The following MGAT4B variants were observed in gnomAD, a reference collection of about 807,000 sequenced individuals.
MGAT4B encodes N-acetylglucosaminyltransferase IVb.
Under a neutral mutation model 73.9 loss-of-function variants are expected in MGAT4B, and 38 were observed. The observed-to-expected ratio is 0.51, with a 90% CI of 0.40 to 0.67. MGAT4B has a LOEUF of 0.67. Ranked by LOEUF, MGAT4B falls within the 30% of genes least tolerant of loss-of-function variation. The pLI, the probability that MGAT4B is intolerant of heterozygous loss-of-function variation, is 0.00. For missense variants in MGAT4B, 686 were observed against 735.2 expected (o/e 0.93, Z 0.77); for synonymous variants, 373 against 313.5 (o/e 1.19, Z -2.01).
rs143317140 is a variant in MGAT4B, at chr5:179,798,830, G to A, written c.1343+98C>T. On this transcript the variant is annotated intron_variant, in intron 11 of 14. Transcript: ENST00000292591. ...CCATTACGAGGCCCACTTCAGATGC[G>A]GAAACTGAAGAACGTGAGGATAACT... 605 of 1,421,200 alleles carry A rather than the reference G, an allele frequency of 4.3e-4. 5 individuals carry two copies. In the African/African-American group the frequency reaches 7.4e-3, roughly 17 times the overall value. 88.0% of individuals were successfully genotyped at this position (1,421,200 alleles called of 1,614,324 possible).
rs1756932688 is a variant in MGAT4B, at chr5:179,801,555, T to C, written c.423A>G (p.Gly141=). The C allele has an allele frequency of 6.2e-7, 1 of 1,608,298 alleles. No homozygotes were observed. Among genetic ancestry groups the C allele is most frequent in the Non-Finnish European group, 8.5e-7 (1 of 1,178,080 alleles). Residue 141 remains glycine (G), a splice_region_variant and synonymous_variant, in exon 3 of 15, where the codon GGA becomes GGG. Transcript: ENST00000292591. The surrounding 1 kb of genome is among the most constrained non-coding windows in gnomAD (Gnocchi z 4.8). ...GCTCCTCCCTGTCTGCGCCCATACC[T>C]CCGGTGCGGCCCTGGCCCACGCGCA... The part of the protein sequence containing the change: ...PAVRVGQGRT[G]VSVVMGIPSV...
At chr5:179,803,735 TC>T (rs1562620795) in intron 1 of MGAT4B, 1 of 152,368 alleles carries the variant, frequency 6.6e-6, no homozygotes, top group Non-Finnish European at 1.5e-5. Flanking sequence ...GCCTCCCCTC[TC>T]CCCCGGGTCC....
intron 8 of MGAT4B, 106 bp from the exon 9 acceptor site, chr5:179,799,742 T>A: frequency 1.3e-6 from 2 of 1,545,846 alleles, no homozygotes; most frequent in Admixed American, 1.7e-5. Flanking sequence ...TTCAGGCAGG[T>A]GTGGGCATAA....
At position 179,800,611 on chromosome 5, in the gene MGAT4B, A is replaced by T; in HGVS notation, c.606-14T>A. 1 of 1,558,508 alleles carries T rather than the reference A, an allele frequency of 6.4e-7. No individual in the cohort carries two copies. The highest frequency in any genetic ancestry group is 8.8e-7 in the Non-Finnish European group (1 of 1,135,366). ...TCCGTGGGGAACCTGGGGGACGGGA[A>T]GGCCTAGTCCGTATGCAGCCTCCAG... On this transcript the variant is annotated splice_polypyrimidine_tract_variant and intron_variant, in intron 5 of 14. Coordinates refer to ENST00000292591, the MANE Select transcript of MGAT4B (RefSeq NM_014275.5).
Position 179,799,324 on chromosome 5 carries a change from G to A in MGAT4B, c.1042-14C>T. ...GTCACAGTGCTTCTGTGGAGGGTGG[G>A]CAACACCCCAGGGCTCGGCTTAGCC... On this transcript the variant is annotated splice_polypyrimidine_tract_variant and intron_variant, in intron 9 of 14. Coordinates refer to ENST00000292591, the MANE Select transcript of MGAT4B (RefSeq NM_014275.5). The A allele has an allele frequency of 5.6e-6, 9 of 1,612,444 alleles. No homozygotes were observed. Among genetic ancestry groups the A allele is most frequent in the Non-Finnish European group, 7.6e-6 (9 of 1,179,284 alleles).
intron 8 of MGAT4B, 44 bp from the exon 9 acceptor site, chr5:179,799,680 T>C: frequency 6.2e-7 from 1 of 1,611,094 alleles, no homozygotes; most frequent in Non-Finnish European, 8.5e-7. Flanking sequence ...TCTGCCTACT[T>C]CCTTTCTCCC....
intron 1 of MGAT4B, chr5:179,802,947 C>G (rs1757010824): frequency 2.0e-6 from 2 of 985,494 alleles, no homozygotes; most frequent in Non-Finnish European, 2.4e-6. Context: ...TCCCTCTACA[C>G]TCAGGCAGCT....
rs1299982146 is a variant in MGAT4B, at chr5:179,799,091, T to C, written c.1180A>G (p.Lys394Glu). 3 of 1,613,824 alleles carry C rather than the reference T, an allele frequency of 1.9e-6. No homozygotes were observed. In the South Asian group the frequency reaches 3.3e-5, roughly 18 times the overall value. ...DKDFGKQALR[K>E]EHVNPPAEVS... ...TCTGCTGGCGGGTTCACATGCTCCT[T>C]CCGCAGCGCCTGCTTTCCAAAGTCT... Residue 394 changes from lysine (K) to glutamate (E), a missense_variant, in exon 11 of 15, where the codon AAG (lysine) becomes GAG (glutamate). This residue lies in a region of MGAT4B where 449 missense variants were observed against 536.8 expected (regional missense o/e 0.84). Transcript: ENST00000292591.
At position 179,800,022 on chromosome 5, in the gene MGAT4B, T is replaced by C. The variant is rs200665887; in HGVS notation, c.842A>G (p.Lys281Arg). 1.2e-6 allele frequency: 2 copies of C among 1,614,068 alleles called. No individual in the cohort carries two copies. The highest frequency in any genetic ancestry group is 1.3e-5 in the African/African-American group (1 of 75,058). The change falls in exon 8 of 15, where the codon AAG becomes AGG. Residue 281 changes from lysine (K) to arginine (R), a missense_variant. Around this residue, in one of 2 missense-constraint regions of MGAT4B, gnomAD observed 449 missense variants for 536.8 expected, o/e 0.84. Coordinates refer to ENST00000292591, the MANE Select transcript of MGAT4B (RefSeq NM_014275.5). ...VAKPNYLSTM[K>R]NFALQQPSED... ...TGAAGGCTGCTGCAGTGCAAAGTTC[T>C]TCATGGTGCTCAGGTAGTTGGGCTT...
rs888606425 is a variant in MGAT4B at position 179,801,286 on chromosome 5, CG to C, written c.558+47del. 3.2e-6 allele frequency: 5 copies of C among 1,572,872 alleles called. No individual in the cohort carries two copies. Among genetic ancestry groups the C allele is most frequent in the African/African-American group, 2.7e-5 (2 of 74,326 alleles). On this transcript the variant is annotated intron_variant, in intron 4 of 14. Coordinates refer to ENST00000292591, the MANE Select transcript of MGAT4B (RefSeq NM_014275.5). The surrounding 1 kb of genome is among the most constrained non-coding windows in gnomAD (Gnocchi z 4.8). The stretch of plus-strand genomic sequence containing the variant: ...GGTTCCTGCTGTCAGTTCTGCACCG[CG>C]GGGGCTCCTCTGAATGTCCCCCAAC...
rs1247225530 is a variant in MGAT4B at position 179,801,980 on chromosome 5, T to C, written c.98-11A>G. On this transcript the variant is annotated splice_polypyrimidine_tract_variant and intron_variant, in intron 1 of 14. Coordinates refer to ENST00000292591, the MANE Select transcript of MGAT4B (RefSeq NM_014275.5). This position sits in a 1 kb window ranked among gnomAD's most constrained non-coding sequence, Gnocchi z 4.8. ...CGTCCACAACGTCGCCTGCAGGTGGTAGGCAAGCCGTCACGAGGGGGCGGT... is the reference window on the plus strand; with the variant it reads ...CGTCCACAACGTCGCCTGCAGGTGGCAGGCAAGCCGTCACGAGGGGGCGGT... The C allele has an allele frequency of 9.9e-6, 16 of 1,613,174 alleles. No homozygotes were observed. The highest frequency in any genetic ancestry group is 1.7e-5 in the Admixed American group (1 of 59,998).
chr5:179,802,230 C>T, intron 1 of MGAT4B: 1 of 1,443,924 alleles, frequency 6.9e-7, no homozygotes, highest in Non-Finnish European at 9.1e-7. Flanking sequence ...GAGAAGGCAT[C>T]TGAAGTGGAA....
Position 179,798,418 on chromosome 5 carries a change from T to C in MGAT4B, c.1439A>G (p.Lys480Arg), listed in dbSNP as rs1020161322. The C allele has an allele frequency of 1.9e-6, 3 of 1,612,510 alleles. No individual in the cohort carries two copies. The highest frequency in any genetic ancestry group is 2.7e-5 in the African/African-American group (2 of 74,910). The change falls in exon 13 of 15, where the codon AAG becomes AGG. Residue 480 changes from lysine to arginine, a missense_variant. Lys to Arg is a conservative substitution (Grantham distance 26, BLOSUM62 2). Transcript: ENST00000292591. ...GGTGCGGCCCTCCTGCAGGGCCTCC[T>C]TGTCTGACTGAGGGTTCTGGGGGCA... ...VLPFDNPQSD[K>R]EALQEGRTAT... is the part of the protein sequence containing the mutation.
At chr5:179,802,186 G>A in intron 1 of MGAT4B, 28 of 1,493,692 alleles carry the variant, frequency 1.9e-5, no homozygotes, top group Non-Finnish European at 2.4e-5. Context: ...CCCTCTTCCA[G>A]TACTCTCCCC....
chr5:179,798,667 C>A, intron 11 of MGAT4B, 76 bp from the exon 12 acceptor site: 4 of 1,526,766 alleles, frequency 2.6e-6, no homozygotes, highest in Non-Finnish European at 3.6e-6. Flanking sequence ...CAGAGAAAGG[C>A]CAGGCCTGCG....
chr5:179,804,293 T>G (rs1352841852), intron 1 of MGAT4B, among the ~76,000 whole-genome samples: 2 of 152,208 alleles, frequency 1.3e-5, no homozygotes, highest in African/African-American at 4.8e-5. Flanking sequence ...ACCATGCATG[T>G]GTGTGGCAGG....
rs748793101 is a variant in MGAT4B at position 179,803,092 on chromosome 5, G to A, written c.98-1123C>T. 40 of 985,424 alleles carry A rather than the reference G, an allele frequency of 4.1e-5. No homozygotes were observed. In the South Asian group the frequency reaches 5.2e-4, roughly 13 times the overall value. 61.0% of individuals were successfully genotyped at this position (985,424 alleles called of 1,614,324 possible). ...GTCACCTCAGGGCACACCCCTTTCC[G>A]AAACGGGCAGGAGGTCGAAGTGCCA... On this transcript the variant is annotated intron_variant, in intron 1 of 14. Coordinates refer to ENST00000292591, the MANE Select transcript of MGAT4B (RefSeq NM_014275.5).
chr5:179,799,613 G>A lies in MGAT4B; in HGVS notation c.934C>T (p.Leu312=). The A allele has an allele frequency of 1.1e-5, 17 of 1,613,846 alleles. No individual in the cohort carries two copies. Among genetic ancestry groups the A allele is most frequent in the Non-Finnish European group, 1.4e-5 (17 of 1,180,038 alleles). The part of the protein sequence containing the change: ...FIGKMFKSLD[L]SLIVEFILMF... The stretch of plus-strand genomic sequence containing the variant: ...AGAATGAACTCTACAATCAGGCTCA[G>A]GTCCAGCGACTTGAACATCTTACCT... The change falls in exon 9 of 15, where the codon CTG becomes TTG. Residue 312 remains leucine, a synonymous_variant. Coordinates refer to ENST00000292591, the MANE Select transcript of MGAT4B (RefSeq NM_014275.5).
At position 179,801,165 on chromosome 5, in the gene MGAT4B, G is replaced by C. The variant is rs1156889365; in HGVS notation, c.558+169C>G. On this transcript the variant is annotated intron_variant, in intron 4 of 14. Coordinates refer to ENST00000292591, the MANE Select transcript of MGAT4B (RefSeq NM_014275.5). This position sits in a 1 kb window ranked among gnomAD's most constrained non-coding sequence, Gnocchi z 4.8. The stretch of plus-strand genomic sequence containing the variant: ...AGGGGGTGGCGGGGGCGATGGGTAG[G>C]GGTAGAGGGTGCCAGAAAGCCCTTT... 6.6e-6 allele frequency among the ~76,000 whole-genome samples: 1 copy of C among 152,124 alleles called. No homozygotes were observed. Among genetic ancestry groups the C allele is most frequent in the African/African-American group, 2.4e-5 (1 of 41,444 alleles).
Sources: allele counts gnomAD v4.1 joint callset (sites outside exome capture counted in the v4.1 genomes callset), GRCh38; gene constraint gnomAD v4.1.1; regional missense constraint gnomAD v4.1.1; non-coding constraint Gnocchi (gnomAD v3.1); transcripts MANE v1.5; gene names NCBI Gene and HGNC (gene_info 2026-07-23, HGNC 2026-07-21).